Variants in CPNE4 observed in about 807,000 individuals in gnomAD.
CPNE4 encodes the protein copine-4.
A neutral mutation model predicts 67.9 loss-of-function variants in CPNE4; 25 were observed. The ratio of observed to expected loss-of-function variants is 0.37; its 90% CI spans 0.27 to 0.51. The LOEUF is 0.51. Among genes scored for constraint, CPNE4 ranks in the 20% least tolerant of loss-of-function variants. The pLI is 0.93. For synonymous variants in CPNE4, 242 were observed against 244.9 expected (o/e 0.99, Z 0.11); for missense variants, 464 against 690.8 (o/e 0.67, Z 3.68).
intron 1 of CPNE4, among the ~76,000 whole-genome samples, chr3:131,916,035 G>C (rs977231458): frequency 6.6e-6 from 1 of 152,058 alleles, no homozygotes; most frequent in Admixed American, 6.6e-5. Context: ...GAACTAAATC[G>C]CAAGAGAAAT....
intron 7 of CPNE4, among the ~76,000 whole-genome samples, chr3:131,630,387 A>G (rs889674261): frequency 1.3e-5 from 2 of 152,240 alleles, no homozygotes; most frequent in African/African-American, 4.8e-5. Context: ...AAGGGGAACT[A>G]CTGTACTCAG....
intron 1 of CPNE4, among the ~76,000 whole-genome samples, chr3:131,942,806 G>A (rs958051724): frequency 6.6e-6 from 1 of 152,130 alleles, no homozygotes; most frequent in Non-Finnish European, 1.5e-5. Context: ...AACATCAGTT[G>A]CTTCATCTGT....
intron 2 of CPNE4, among the ~76,000 whole-genome samples, chr3:131,874,871 A>T (rs4854846): frequency 0.98 from 149,738 of 152,312 alleles, 73,672 homozygotes; most frequent in Middle Eastern, 1. Context: ...ACGTGTATAT[A>T]ATTGATGAAT....
At chr3:131,691,950 T>A (rs959950561) in intron 5 of CPNE4, among the ~76,000 whole-genome samples, 2 of 152,162 alleles carry the variant, frequency 1.3e-5, no homozygotes, top group Non-Finnish European at 2.9e-5. Context: ...TTCAGCTTTT[T>A]AAAACTTGAT....
At chr3:131,585,124 G>A (rs1388336265) in intron 8 of CPNE4, among the ~76,000 whole-genome samples, 1 of 152,094 alleles carries the variant, frequency 6.6e-6, no homozygotes, top group African/African-American at 2.4e-5. Flanking sequence ...TCATTAAGGG[G>A]CCTCAACTTA....
upstream of CPNE4, among the ~76,000 whole-genome samples, chr3:132,039,245 G>T (rs1192982043): frequency 6.6e-6 from 1 of 152,200 alleles, no homozygotes; most frequent in Non-Finnish European, 1.5e-5. Flanking sequence ...TACTGAATCA[G>T]CTGGGATGTA....
At chr3:131,999,884 A>C (rs2073386174) in intron 1 of CPNE4, among the ~76,000 whole-genome samples, 1 of 152,038 alleles carries the variant, frequency 6.6e-6, no homozygotes, top group South Asian at 2.1e-4. Flanking sequence ...ATTTTACTGC[A>C]TGTTTTTCAT....
rs148775004 is a variant in CPNE4, at chr3:131,845,900, C to T, written c.180+59364G>A. Among the ~76,000 whole-genome samples, 10 of 152,214 alleles carry T rather than the reference C, an allele frequency of 6.6e-5. No individual in the cohort carries two copies. In the East Asian group the frequency reaches 7.7e-4, roughly 12 times the overall value. On this transcript the variant is annotated intron_variant, in intron 2 of 15. Transcript: ENST00000429747. The stretch of plus-strand genomic sequence containing the variant: ...TTGTATTGTGACAGAAAACTAATCA[C>T]GGTGAATTGAGGATTGAGTTTCCAT...
intron 7 of CPNE4, among the ~76,000 whole-genome samples, chr3:131,668,212 C>A (rs2080311125): frequency 6.6e-6 from 1 of 152,180 alleles, no homozygotes; most frequent in Admixed American, 6.5e-5. Flanking sequence ...ACATATAAAG[C>A]AACCTTAAAG....
At chr3:131,544,474 T>C (rs1306604542) in intron 14 of CPNE4, among the ~76,000 whole-genome samples, 1 of 152,212 alleles carries the variant, frequency 6.6e-6, no homozygotes, top group African/African-American at 2.4e-5. Flanking sequence ...TTCTGTTCCA[T>C]GTCCATTAAC....
intron 2 of CPNE4, among the ~76,000 whole-genome samples, chr3:131,808,987 AC>A (rs2084425553): frequency 6.6e-6 from 1 of 152,196 alleles, no homozygotes; most frequent in Non-Finnish European, 1.5e-5. Context: ...TTCTAATGAT[AC>A]AGAACATCTC....
In CPNE4 at chr3:131,863,783, G is replaced by A. The variant is rs541876096; in HGVS notation, c.180+41481C>T. 2.0e-5 allele frequency among the ~76,000 whole-genome samples: 3 copies of A among 152,334 alleles called. No individual in the cohort carries two copies. The East Asian group carries it at 5.8e-4, about 29-fold the overall frequency. On this transcript the variant is annotated intron_variant, in intron 2 of 15. Transcript: ENST00000429747. The stretch of plus-strand genomic sequence containing the variant: ...TTTTAGACATGAAGTCCTTGCCCAT[G>A]CCTATGTCCTGAATGGTATTGCCTA...
intron 1 of CPNE4, among the ~76,000 whole-genome samples, chr3:131,963,650 G>A (rs1407467587): frequency 6.6e-6 from 1 of 152,186 alleles, no homozygotes; most frequent in Non-Finnish European, 1.5e-5. Context: ...TCACCGCAGG[G>A]CAGCGAAGCG....
At chr3:131,970,673 T>G (rs955930423) in intron 1 of CPNE4, among the ~76,000 whole-genome samples, 1 of 152,192 alleles carries the variant, frequency 6.6e-6, no homozygotes, top group Non-Finnish European at 1.5e-5. Flanking sequence ...TTTTTCCACT[T>G]CCATATATCA....
rs371259742 is a variant in CPNE4, at chr3:131,543,113, G to A, written c.1303-320C>T. On this transcript the variant is annotated intron_variant, in intron 14 of 15. Coordinates refer to ENST00000429747, the MANE Select transcript of CPNE4 (RefSeq NM_130808.3). ...AGACCCTGGGACGATCCCTTAACTC[G>A]TCTGTGTCTGAGCTTCTTCATTTCT... The A allele has an allele frequency of 2.4e-4, 56 of 229,892 alleles. No homozygotes were observed. The East Asian group carries it at 2.8e-3, about 12-fold the overall frequency. The allele number at this position is 229,892 out of a possible 1,614,324, so 14.2% of individuals were successfully genotyped here. A position where few individuals can be genotyped will look rare whatever the true frequency, so the allele number is the denominator to read the frequency against.
chr3:131,555,605 T>A, intron 11 of CPNE4, 54 bp from the exon 12 acceptor site: 2 of 1,494,712 alleles, frequency 1.3e-6, no homozygotes, highest in Non-Finnish European at 1.9e-6. Flanking sequence ...TTTATTCATT[T>A]AATGAGAAAG....
At chr3:131,930,233 T>C (rs1207422148) in intron 1 of CPNE4, among the ~76,000 whole-genome samples, 1 of 152,122 alleles carries the variant, frequency 6.6e-6, no homozygotes, top group Admixed American at 6.6e-5. Flanking sequence ...ATGAGTGTGA[T>C]ACAGCAGACC....
Position 132,034,626 on chromosome 3 carries a change from G to T in CPNE4, c.-61C>A. On this transcript the variant is annotated 5_prime_UTR_variant, in exon 1 of 16. Coordinates refer to ENST00000429747, the MANE Select transcript of CPNE4 (RefSeq NM_130808.3). ...TTCAGCCCGGGACGAGGTCTGTCCC[G>T]CCCCCAGGATGCAAAATCCGGCTTT... The T allele has an allele frequency of 1.0e-6, 1 of 985,448 alleles. No individual in the cohort carries two copies. Among genetic ancestry groups the T allele is most frequent in the Non-Finnish European group, 1.2e-6 (1 of 830,020 alleles). 61.0% of individuals were successfully genotyped at this position (985,448 alleles called of 1,614,324 possible).
At chr3:131,970,051 C>A (rs1468996238) in intron 1 of CPNE4, among the ~76,000 whole-genome samples, 1 of 152,222 alleles carries the variant, frequency 6.6e-6, no homozygotes, top group Non-Finnish European at 1.5e-5. Context: ...TCCAGTCAAA[C>A]TTCCCTGCCC....
Sources: gnomAD v4.1 joint callset for allele counts (sites outside exome capture counted in the v4.1 genomes callset) on GRCh38, gnomAD v4.1.1 for gene constraint, MANE v1.5 for transcripts, NCBI Gene and HGNC (gene_info 2026-07-23, HGNC 2026-07-21) for gene names.